Variants in PADI1 observed in about 807,000 individuals in gnomAD.
PADI1 encodes the protein peptidyl arginine deiminase 1.
Under a neutral mutation model 74.8 loss-of-function variants are expected in PADI1, and 65 were observed. That is an observed-to-expected ratio of 0.87 (90% CI 0.71 to 1.07). The LOEUF (loss-of-function observed/expected upper bound fraction) is 1.07, where lower values mean the gene tolerates loss of function less well. Among genes scored for constraint, PADI1 ranks in the 50% least tolerant of loss-of-function variants. The pLI is 0.00. For synonymous variants in PADI1, 371 were observed against 336.2 expected, an observed-to-expected ratio of 1.10 and a Z score of -1.13; for missense variants, 943 against 854.0, an observed-to-expected ratio of 1.10 and a Z score of -1.30.
At chr1:17,226,816 G>A (rs972329533) in intron 6 of PADI1, among the ~76,000 whole-genome samples, 8 of 151,926 alleles carry the variant, frequency 5.3e-5, no homozygotes, top group African/African-American at 9.7e-5. Context: ...TTGAGAGGCC[G>A]AGGAGGGTGG....
intron 1 of PADI1, among the ~76,000 whole-genome samples, chr1:17,213,446 C>T (rs560887774): frequency 7.2e-5 from 11 of 152,330 alleles, no homozygotes; most frequent in South Asian, 6.2e-4. Context: ...TCTTTGCAGT[C>T]GGCTTCACCC....
intron 10 of PADI1, 83 bp from the exon 11 acceptor site, chr1:17,232,736 T>A: frequency 7.9e-7 from 1 of 1,261,808 alleles, no homozygotes; most frequent in Non-Finnish European, 1.1e-6. Flanking sequence ...CCCCAGCAAC[T>A]CCCCTCTACT....
chr1:17,211,351 A>C (rs774841397), intron 1 of PADI1, among the ~76,000 whole-genome samples: 47 of 151,778 alleles, frequency 3.1e-4, no homozygotes, highest in Admixed American at 5.2e-4. Flanking sequence ...AGTTTTTTGT[A>C]TTTTTAATAG....
At position 17,244,724 on chromosome 1, in the gene PADI1, G is replaced by T. The variant is rs749912790; in HGVS notation, c.*481G>T. ...AGGGGATCAGAAACATCCTCTCCCC[G>T]CTCTAGGTTTCTTCTCCCAAAGGGG... On this transcript the variant is annotated 3_prime_UTR_variant, in exon 16 of 16. Coordinates refer to ENST00000375471, the MANE Select transcript of PADI1 (RefSeq NM_013358.3). The T allele has an allele frequency of 2.6e-5, 9 of 345,802 alleles. No homozygotes were observed. The Admixed American group carries it at 3.6e-4, about 14-fold the overall frequency. 21.4% of individuals were successfully genotyped at this position (345,802 alleles called of 1,614,324 possible).
rs551890321 is a variant in PADI1 at position 17,223,869 on chromosome 1, G to A, written c.346+176G>A. On this transcript the variant is annotated intron_variant, in intron 3 of 15. Coordinates refer to ENST00000375471, the MANE Select transcript of PADI1 (RefSeq NM_013358.3). ...CTGGAACCACAGGGATTGAGACCCAGCAGTCCTTAGGACCACAAGGATCTA... is the reference window on the plus strand; with the variant it reads ...CTGGAACCACAGGGATTGAGACCCAACAGTCCTTAGGACCACAAGGATCTA... Among the ~76,000 whole-genome samples, 222 of 152,340 alleles carry A rather than the reference G, an allele frequency of 1.5e-3. 8 individuals are homozygous for A. In the South Asian group the frequency reaches 0.043, roughly 29 times the overall value.
chr1:17,210,589 G>A (rs920680638), intron 1 of PADI1, among the ~76,000 whole-genome samples: 6 of 152,016 alleles, frequency 3.9e-5, no homozygotes, highest in Non-Finnish European at 7.3e-5. Flanking sequence ...CTCTCTGGGC[G>A]TGCCCCTCCC....
intron 11 of PADI1, 117 bp from the exon 12 acceptor site, chr1:17,237,197 C>A (rs1235630385): frequency 2.5e-6 from 3 of 1,201,796 alleles, no homozygotes; most frequent in East Asian, 2.4e-5. Context: ...CTACGCCCCA[C>A]GTTTAAAGCG....
At chr1:17,210,976 A>G (rs746145473) in intron 1 of PADI1, among the ~76,000 whole-genome samples, 10 of 152,194 alleles carry the variant, frequency 6.6e-5, no homozygotes, top group South Asian at 2.1e-4. Flanking sequence ...CCATGGCCAC[A>G]TGTGAGGAGC....
rs375115382 is a variant in PADI1, at chr1:17,230,228, C to A, written c.1053+20C>A. 4.4e-6 allele frequency: 7 copies of A among 1,608,926 alleles called. No individual in the cohort carries two copies. Among genetic ancestry groups the A allele is most frequent in the Non-Finnish European group, 5.9e-6 (7 of 1,177,704 alleles). On this transcript the variant is annotated intron_variant, in intron 9 of 15. Coordinates refer to ENST00000375471, the MANE Select transcript of PADI1 (RefSeq NM_013358.3). ...ATCCAGGTGGGAGCTGGGGGCAGCT[C>A]GGGAAGCCTGCAGCCTGGCTTGGGG...
intron 2 of PADI1, 119 bp downstream of exon 2, chr1:17,222,589 T>C (rs970232005): frequency 6.5e-6 from 5 of 773,974 alleles, no homozygotes; most frequent in Non-Finnish European, 1.1e-5. Flanking sequence ...TCACAAAGCT[T>C]ATCACAGTAC....
At position 17,240,557 on chromosome 1, in the gene PADI1, G is replaced by A. The variant is rs536356553; in HGVS notation, c.1633-78G>A. The A allele has an allele frequency of 6.5e-5, 99 of 1,523,564 alleles. 1 individual carries two copies. The South Asian group carries it at 8.2e-4, about 13-fold the overall frequency. 94.4% of individuals were successfully genotyped at this position (1,523,564 alleles called of 1,614,324 possible). A position where few individuals can be genotyped will look rare whatever the true frequency, so the allele number is the denominator to read the frequency against. ...CTAGCGGGCCCAGAGGGCTCCACACGGGCCCAGCGCACAGTAGGTGCTTGG... is the reference window on the plus strand; with the variant it reads ...CTAGCGGGCCCAGAGGGCTCCACACAGGCCCAGCGCACAGTAGGTGCTTGG... On this transcript the variant is annotated intron_variant, in intron 14 of 15. Coordinates refer to ENST00000375471, the MANE Select transcript of PADI1 (RefSeq NM_013358.3).
chr1:17,230,264 C>A lies in PADI1; in HGVS notation c.1053+56C>A. 3 of 1,581,750 alleles carry A rather than the reference C, an allele frequency of 1.9e-6. No homozygotes were observed. The South Asian group carries it at 3.5e-5, about 19-fold the overall frequency. ...CAGCCTGGCTTGGGGAAAGGGAAGCCGCACAGGTGCCTGATGGACCCAGTG... is the reference window on the plus strand; with the variant it reads ...CAGCCTGGCTTGGGGAAAGGGAAGCAGCACAGGTGCCTGATGGACCCAGTG... On this transcript the variant is annotated intron_variant, in intron 9 of 15. Transcript: ENST00000375471.
intron 1 of PADI1, 144 bp downstream of exon 1, chr1:17,205,453 C>A: frequency 1.4e-6 from 1 of 704,652 alleles, no homozygotes; most frequent in Non-Finnish European, 2.5e-6. Flanking sequence ...GCTGTGGAGT[C>A]TGGAAGGAAG....
In PADI1 at chr1:17,244,071, A is replaced by G. The variant is rs751536560; in HGVS notation, c.1820A>G (p.Asn607Ser). The G allele has an allele frequency of 1.9e-6, 3 of 1,614,206 alleles. No individual in the cohort carries two copies. Among genetic ancestry groups the G allele is most frequent in the Admixed American group, 1.7e-5 (1 of 60,026 alleles). The change falls in exon 16 of 16, where the codon AAT becomes AGT. Residue 607 changes from asparagine (N) to serine (S), a missense_variant. Asn to Ser is a conservative substitution (Grantham distance 46). Transcript: ENST00000375471. ...CCCAAGCCCTACGGGCCCATCATCA[A>G]TGGCCGCTGCTGCCTGGAGGAGAAG... ...GIPKPYGPIINGRCCLEEKVQ... is the reference protein window; with the variant it reads ...GIPKPYGPIISGRCCLEEKVQ...
intron 1 of PADI1, among the ~76,000 whole-genome samples, chr1:17,221,473 A>G (rs2072147386): frequency 2.0e-5 from 3 of 149,806 alleles, no homozygotes; most frequent in South Asian, 4.2e-4. Flanking sequence ...TGTCTCAAGA[A>G]AAAAAAAAAA....
intron 14 of PADI1, chr1:17,240,080 A>G (rs2072742149): frequency 5.3e-6 from 2 of 374,446 alleles, no homozygotes; most frequent in Admixed American, 7.5e-5. Flanking sequence ...GTCTGGTGAA[A>G]TGCGAGAGAC....
At chr1:17,235,161 GAGGA>G (rs1379630402) in intron 11 of PADI1, among the ~76,000 whole-genome samples, 3 of 134,142 alleles carry the variant, frequency 2.2e-5, no homozygotes, top group Non-Finnish European at 1.6e-5. Context: ...GGGAGGGAGG[GAGGA>G]AGGGAAGGAA....
chr1:17,225,670 T>A (rs1043010078), intron 4 of PADI1, 141 bp from the exon 5 acceptor site: 1 of 668,250 alleles, frequency 1.5e-6, no homozygotes, highest in African/African-American at 1.8e-5. Flanking sequence ...ATTCCCCAAA[T>A]AATCCTTTTT....
At chr1:17,243,914 A>AT in intron 15 of PADI1, 96 bp from the exon 16 acceptor site, 1 of 847,402 alleles carries the variant, frequency 1.2e-6, no homozygotes, top group South Asian at 1.7e-5. Flanking sequence ...TGGCCAACCC[A>AT]TTCCCCAGGG....
Sources: allele counts gnomAD v4.1 joint callset (sites outside exome capture counted in the v4.1 genomes callset), GRCh38; gene constraint gnomAD v4.1.1; transcripts MANE v1.5; gene names NCBI Gene and HGNC (gene_info 2026-07-23, HGNC 2026-07-21).